The following NCOA7 variants were observed in gnomAD, a reference collection of about 807,000 sequenced individuals.
The protein encoded by NCOA7 is nuclear receptor coactivator 7.
A neutral mutation model predicts 104.3 loss-of-function variants in NCOA7; 45 were observed. That is an observed-to-expected ratio of 0.43 (90% CI 0.34 to 0.55). The LOEUF (loss-of-function observed/expected upper bound fraction) is 0.55, where lower values mean the gene tolerates loss of function less well. NCOA7 is among the 20% of genes least tolerant of loss of function. The probability of loss-of-function intolerance (pLI) is 0.02; values close to 1 mark genes in which losing one functional copy is unlikely to be tolerated. For synonymous variants in NCOA7, 398 were observed against 402.3 expected, an observed-to-expected ratio of 0.99 and a Z score of 0.13; for missense variants, 1,041 against 1,119.7, an observed-to-expected ratio of 0.93 and a Z score of 1.00.
chr6:125,898,262 T>C (rs1442733438), intron 10 of NCOA7, among the ~76,000 whole-genome samples: 7 of 152,362 alleles, frequency 4.6e-5, no homozygotes, highest in Admixed American at 3.9e-4. Context: ...CTAAGCTTCA[T>C]TGGACCCTGA....
intron 2 of NCOA7, among the ~76,000 whole-genome samples, chr6:125,822,601 C>A (rs1459476198): frequency 6.6e-6 from 1 of 152,132 alleles, no homozygotes. Flanking sequence ...TTACATTGCA[C>A]TAAGTATTAG....
intron 10 of NCOA7, among the ~76,000 whole-genome samples, chr6:125,903,385 G>A (rs571873813): frequency 6.6e-6 from 1 of 152,092 alleles, no homozygotes; most frequent in Non-Finnish European, 1.5e-5. Flanking sequence ...TTTATTTCTA[G>A]TTGATCCTGT....
chr6:125,881,072 G>C lies in NCOA7; in HGVS notation c.460-18G>C. 1 of 1,554,288 alleles carries C rather than the reference G, an allele frequency of 6.4e-7. No homozygotes were observed. Among genetic ancestry groups the C allele is most frequent in the Non-Finnish European group, 8.9e-7 (1 of 1,125,778 alleles). Reference sequence around the variant, plus strand: ...CCTGGTTGCTGGTACTCACCCATCTGTTCTCTCCCATTCTCAGGTCCTTTT... The same window carrying C: ...CCTGGTTGCTGGTACTCACCCATCTCTTCTCTCCCATTCTCAGGTCCTTTT... On this transcript the variant is annotated intron_variant, in intron 5 of 15. Transcript: ENST00000392477.
chr6:125,874,983 G>A lies in NCOA7; in HGVS notation c.351+15G>A. On this transcript the variant is annotated intron_variant, in intron 4 of 15. Coordinates refer to ENST00000392477, the MANE Select transcript of NCOA7 (RefSeq NM_181782.5). ...TGGAATACACTGTGAGTATAACCAAGGTGGTATAAATGTTTGTTAATAGCA... is the reference window on the plus strand; with the variant it reads ...TGGAATACACTGTGAGTATAACCAAAGTGGTATAAATGTTTGTTAATAGCA... The A allele has an allele frequency of 1.9e-6, 3 of 1,593,478 alleles. No homozygotes were observed. The highest frequency in any genetic ancestry group is 2.6e-6 in the Non-Finnish European group (3 of 1,161,850).
intron 13 of NCOA7, among the ~76,000 whole-genome samples, chr6:125,926,874 C>T (rs571481224): frequency 6.6e-6 from 1 of 152,296 alleles, no homozygotes; most frequent in South Asian, 2.1e-4. Flanking sequence ...CATATGCTCA[C>T]CCCTGCAAGT....
chr6:125,788,387 G>A (rs1774566270), upstream of NCOA7, among the ~76,000 whole-genome samples: 1 of 152,296 alleles, frequency 6.6e-6, no homozygotes, highest in South Asian at 2.1e-4. Context: ...TTTAGGAGGA[G>A]TTTGTACTCC....
intron 2 of NCOA7, among the ~76,000 whole-genome samples, chr6:125,845,765 CA>C (rs1266193360): frequency 6.6e-6 from 1 of 151,724 alleles, no homozygotes; most frequent in Non-Finnish European, 1.5e-5. Flanking sequence ...GACTCTGTCT[CA>C]AAAAAACAAA....
chr6:125,855,179 G>A lies in NCOA7; in HGVS notation c.210G>A (p.Lys70=). 2 of 1,613,044 alleles carry A rather than the reference G, an allele frequency of 1.2e-6. No individual in the cohort carries two copies. Among genetic ancestry groups the A allele is most frequent in the Non-Finnish European group, 1.7e-6 (2 of 1,179,882 alleles). The change falls in exon 3 of 16, where the codon AAG becomes AAA. Residue 70 remains lysine, a synonymous_variant. Transcript: ENST00000392477. ...AATATATGACTGATGAGAAAAAAAA[G>A]AGAAAAAGTAATCAGTTAAAGGAGA... The part of the protein sequence containing the change: ...EEEYMTDEKK[K]RKSNQLKEIR...
chr6:125,857,851 G>A (rs1333361293), intron 3 of NCOA7, among the ~76,000 whole-genome samples: 1 of 151,868 alleles, frequency 6.6e-6, no homozygotes, highest in East Asian at 1.9e-4. Flanking sequence ...TTCCTAAAGT[G>A]CTGGGATTAC....
chr6:125,795,395 A>G (rs1020223682), intron 1 of NCOA7, among the ~76,000 whole-genome samples: 1 of 152,190 alleles, frequency 6.6e-6, no homozygotes, highest in African/African-American at 2.4e-5. Flanking sequence ...ATGGCTCTAG[A>G]GTGAAAGTAC....
chr6:125,831,178 A>G (rs1006004865), intron 2 of NCOA7, among the ~76,000 whole-genome samples: 8 of 152,192 alleles, frequency 5.3e-5, no homozygotes, highest in Non-Finnish European at 1.0e-4. Flanking sequence ...TCTCTAGTCC[A>G]GCTGTTTCCA....
chr6:125,871,831 A>G (rs1438852745), intron 3 of NCOA7, among the ~76,000 whole-genome samples: 1 of 152,102 alleles, frequency 6.6e-6, no homozygotes, highest in Non-Finnish European at 1.5e-5. Flanking sequence ...CCCTGTCTCT[A>G]CAAAAAAATG....
At chr6:125,890,567 T>C in intron 9 of NCOA7, 75 bp from the exon 10 acceptor site, 1 of 1,419,616 alleles carries the variant, frequency 7.0e-7, no homozygotes, top group East Asian at 2.4e-5. Context: ...TGTGCACTAT[T>C]TTTTTTAAGT....
At chr6:125,907,510 C>T (rs1349652916) in intron 10 of NCOA7, among the ~76,000 whole-genome samples, 1 of 152,180 alleles carries the variant, frequency 6.6e-6, no homozygotes, top group Non-Finnish European at 1.5e-5. Context: ...GCTGCATGTG[C>T]CCTAAGGGCC....
chr6:125,866,338 GA>G (rs566386722), intron 3 of NCOA7, among the ~76,000 whole-genome samples: 2,812 of 145,842 alleles, frequency 0.019, 82 homozygotes, highest in African/African-American at 0.066. Context: ...TCAGAAAAAA[GA>G]AAAAAAAAAG....
chr6:125,817,861 C>G (rs1032150841), intron 2 of NCOA7, among the ~76,000 whole-genome samples: 1 of 152,068 alleles, frequency 6.6e-6, no homozygotes, highest in African/African-American at 2.4e-5. Flanking sequence ...TTTTTCTTTT[C>G]TGAAAATTTT....
chr6:125,888,021 A>AT (rs1412225561), intron 8 of NCOA7, among the ~76,000 whole-genome samples: 1 of 151,748 alleles, frequency 6.6e-6, no homozygotes, highest in Admixed American at 6.6e-5. Context: ...CTCTCTAGTC[A>AT]TTTTTTTTAA....
chr6:125,926,304 T>TCCA lies in NCOA7; in HGVS notation c.2524-1358_2524-1356dup, dbSNP rs1455273917. 3.0e-5 allele frequency among the ~76,000 whole-genome samples: 4 copies of TCCA among 135,364 alleles called. No individual in the cohort carries two copies. In the East Asian group the frequency reaches 9.8e-4, roughly 33 times the overall value. 88.8% of individuals were successfully genotyped at this position (135,364 alleles called of 152,430 possible). ...TCCAGCCTGGGCAACAGAGCAAGAC[T>TCCA]CCATCTCAAAAAAAAAAAAAGGGAG... On this transcript the variant is annotated intron_variant, in intron 13 of 15. Coordinates refer to ENST00000392477, the MANE Select transcript of NCOA7 (RefSeq NM_181782.5).
intron 2 of NCOA7, among the ~76,000 whole-genome samples, chr6:125,825,480 G>A (rs1778587726): frequency 6.6e-6 from 1 of 152,204 alleles, no homozygotes. Flanking sequence ...CTGTGTATGT[G>A]AGAATATATT....
Sources: allele counts gnomAD v4.1 joint callset (sites outside exome capture counted in the v4.1 genomes callset), GRCh38; gene constraint gnomAD v4.1.1; transcripts MANE v1.5; gene names NCBI Gene and HGNC (gene_info 2026-07-23, HGNC 2026-07-21).